Variants in MTMR8 observed in about 807,000 individuals in gnomAD.
The protein encoded by MTMR8 is myotubularin related protein 8, also known as phosphatidylinositol-3,5-bisphosphate 3-phosphatase MTMR8.
In MTMR8, 65 loss-of-function variants were observed where a neutral mutation model predicts 39.3. The ratio of observed to expected loss-of-function variants is 1.65; its 90% CI spans 1.35 to 2.03. The LOEUF (loss-of-function observed/expected upper bound fraction) is 2.03, where lower values mean the gene tolerates loss of function less well. Ranked by LOEUF, MTMR8 falls within the 30% of genes most tolerant of loss-of-function variation. The probability of loss-of-function intolerance (pLI) is 0.00; values close to 1 mark genes in which losing one functional copy is unlikely to be tolerated. For synonymous variants in MTMR8, 245 were observed against 185.2 expected (o/e 1.32, Z -2.62); for missense variants, 777 against 538.9 (o/e 1.44, Z -4.37).
intron 6 of MTMR8, among the ~76,000 whole-genome samples, chrX:64,345,703 C>T (rs1045823050): frequency 8.9e-6 from 1 of 111,897 alleles, no homozygotes; most frequent in African/African-American, 3.3e-5. Context: ...GCCTTGAACT[C>T]CTGGGCTCAG....
Position 64,331,565 on chromosome X carries a change from T to C in MTMR8, c.1344A>G (p.Glu448=), listed in dbSNP as rs767231632. ...TCACAAAGTAAATTCACCTTAGATC[T>C]TCCCGATCCTTCTGGCAGTTACCAA... ...NFLGNCQKDR[E]DLRVYEKTHS... Residue 448 remains glutamate (E), a synonymous_variant, in exon 11 of 14, where the codon GAA becomes GAG. Coordinates refer to ENST00000374852, the MANE Select transcript of MTMR8 (RefSeq NM_017677.4). The C allele has an allele frequency of 3.3e-6, 4 of 1,207,489 alleles. No individual in the cohort carries two copies. The East Asian group carries it at 8.9e-5, about 27-fold the overall frequency.
intron 1 of MTMR8, among the ~76,000 whole-genome samples, chrX:64,383,057 G>T (rs1273370698): frequency 9.0e-6 from 1 of 111,270 alleles, no homozygotes; most frequent in Non-Finnish European, 1.9e-5. Context: ...AAATAGAGAA[G>T]TTACTATACA....
At chrX:64,382,415 G>T (rs765786823) in intron 1 of MTMR8, among the ~76,000 whole-genome samples, 1 of 111,276 alleles carries the variant, frequency 9.0e-6, no homozygotes, top group East Asian at 2.8e-4. Context: ...GTCTGTTATT[G>T]GTGTATAAGA....
intron 12 of MTMR8, among the ~76,000 whole-genome samples, chrX:64,286,630 T>C (rs1012823488): frequency 1.2e-4 from 13 of 111,802 alleles, no homozygotes; most frequent in African/African-American, 4.2e-4. Context: ...AAGTGGGCTT[T>C]ATCCCTGGGA....
chrX:64,324,306 G>A (rs191940798), intron 12 of MTMR8, among the ~76,000 whole-genome samples: 5 of 111,936 alleles, frequency 4.5e-5, no homozygotes, highest in Admixed American at 1.9e-4. Flanking sequence ...AGGCTACAAT[G>A]AGCTATGATT....
chrX:64,376,098 A>G (rs946066308), intron 1 of MTMR8, among the ~76,000 whole-genome samples: 1 of 112,407 alleles, frequency 8.9e-6, no homozygotes, highest in Non-Finnish European at 1.9e-5. Flanking sequence ...TACAGCCTGC[A>G]GAGCTGTGAG....
intron 1 of MTMR8, among the ~76,000 whole-genome samples, chrX:64,372,952 G>A (rs1404147649): frequency 9.0e-6 from 1 of 111,338 alleles, no homozygotes. Flanking sequence ...GACAGGGCTG[G>A]GCCAATCAAT....
chrX:64,394,879 C>A (rs370606084), intron 1 of MTMR8, among the ~76,000 whole-genome samples: 17 of 112,295 alleles, frequency 1.5e-4, no homozygotes, highest in East Asian at 8.5e-4. Flanking sequence ...TCTGGGCAAT[C>A]CCTGGGGAAG....
chrX:64,389,555 T>C (rs772525646), intron 1 of MTMR8, among the ~76,000 whole-genome samples: 4 of 111,430 alleles, frequency 3.6e-5, no homozygotes, highest in Non-Finnish European at 3.8e-5. Context: ...TAAAACAGTG[T>C]CTAAAATGCC....
intron 1 of MTMR8, 34 bp downstream of exon 1, chrX:64,395,306 G>A (rs1356517171): frequency 1.7e-6 from 2 of 1,202,847 alleles, no homozygotes; most frequent in African/African-American, 3.5e-5. Context: ...GAGGAAGCTC[G>A]CGGCTGTCAG....
At chrX:64,274,193 C>G (rs1409925592) in intron 12 of MTMR8, among the ~76,000 whole-genome samples, 1 of 111,809 alleles carries the variant, frequency 8.9e-6, no homozygotes, top group Non-Finnish European at 1.9e-5. Context: ...CAAGATAGAT[C>G]ACATGTTAGG....
chrX:64,369,278 G>T (rs1309785893), intron 1 of MTMR8, among the ~76,000 whole-genome samples: 1 of 111,602 alleles, frequency 9.0e-6, no homozygotes, highest in Non-Finnish European at 1.9e-5. Context: ...ATACCCAAAG[G>T]ATTATAAATC....
Position 64,286,279 on chromosome X carries a change from G to A in MTMR8, c.1482-15206C>T, listed in dbSNP as rs374713998. On this transcript the variant is annotated intron_variant, in intron 12 of 13. Transcript: ENST00000374852. ...CACCCTCCCAAGAGCAAACCAGGAA[G>A]ATGTTGACCAATAACAGACTCTGAA... Among the ~76,000 whole-genome samples the A allele has an allele frequency of 1.3e-4, 14 of 109,819 alleles. No homozygotes were observed. The East Asian group carries it at 3.5e-3, about 27-fold the overall frequency.
At chrX:64,347,039 G>T (rs1397052551) in intron 6 of MTMR8, among the ~76,000 whole-genome samples, 1 of 111,096 alleles carries the variant, frequency 9.0e-6, no homozygotes, top group East Asian at 2.8e-4. Context: ...TCAGAGAGAT[G>T]AACCAATTTG....
chrX:64,326,453 C>CA (rs1412043168), intron 12 of MTMR8, among the ~76,000 whole-genome samples: 5 of 111,380 alleles, frequency 4.5e-5, no homozygotes, highest in South Asian at 3.7e-4. Context: ...ACAATAGTTA[C>CA]AAAAAACATA....
intron 1 of MTMR8, 78 bp downstream of exon 1, chrX:64,395,262 A>T (rs747594978): frequency 5.7e-6 from 6 of 1,045,394 alleles, no homozygotes; most frequent in Non-Finnish European, 8.0e-6. Flanking sequence ...GAGAAGGCTG[A>T]GGAGGTGTGT....
At chrX:64,302,180 C>A (rs1397670086) in intron 12 of MTMR8, among the ~76,000 whole-genome samples, 1 of 112,630 alleles carries the variant, frequency 8.9e-6, no homozygotes, top group East Asian at 2.8e-4. Context: ...TGCTGCCTTG[C>A]AGTTTGATCT....
chrX:64,376,766 G>T (rs1393720858), intron 1 of MTMR8, among the ~76,000 whole-genome samples: 1 of 112,253 alleles, frequency 8.9e-6, no homozygotes, highest in Non-Finnish European at 1.9e-5. Context: ...CATAAGTAAG[G>T]AAGAGCCAGA....
chrX:64,376,237 G>A (rs1276384868), intron 1 of MTMR8, among the ~76,000 whole-genome samples: 1 of 112,413 alleles, frequency 8.9e-6, no homozygotes, highest in Non-Finnish European at 1.9e-5. Flanking sequence ...CTGAAAATGT[G>A]GAAGCAGCTT....
Sources: allele counts gnomAD v4.1 joint callset (sites outside exome capture counted in the v4.1 genomes callset), GRCh38; gene constraint gnomAD v4.1.1; transcripts MANE v1.5; gene names NCBI Gene and HGNC (gene_info 2026-07-23, HGNC 2026-07-21).